Variants in PPP2R2C observed in about 807,000 individuals in gnomAD.
PPP2R2C encodes protein phosphatase 2 regulatory subunit Bgamma, also known as protein phosphatase 2, regulatory subunit B, gamma.
Under a neutral mutation model 45.3 loss-of-function variants are expected in PPP2R2C, and 10 were observed. The ratio of observed to expected loss-of-function variants is 0.22; its 90% CI spans 0.14 to 0.37. The LOEUF is 0.37. PPP2R2C is among the 10% of genes least tolerant of loss of function. The pLI, the probability that PPP2R2C is intolerant of heterozygous loss-of-function variation, is 1.00. For synonymous variants in PPP2R2C, 257 were observed against 245.4 expected, an observed-to-expected ratio of 1.05 and a Z score of -0.44; for missense variants, 308 against 619.7, an observed-to-expected ratio of 0.50 and a Z score of 5.34.
chr4:6,466,276 C>T lies in PPP2R2C; in HGVS notation c.70+5884G>A, dbSNP rs150381399. Among the ~76,000 whole-genome samples, 1,114 of 152,292 alleles carry T rather than the reference C, an allele frequency of 7.3e-3. 6 individuals carry two copies. Among genetic ancestry groups the T allele is most frequent in the Non-Finnish European group, 0.012 (815 of 68,028 alleles). ...TCTGCTCATTCCCAGGCTCCCCCGT[C>T]CCATCAGATTTCGCTTACAAAACAC... On this transcript the variant is annotated intron_variant, in intron 1 of 8. Transcript: ENST00000382599.
At chr4:6,350,821 T>A in intron 5 of PPP2R2C, 1 of 984,560 alleles carries the variant, frequency 1.0e-6, no homozygotes, top group Non-Finnish European at 1.2e-6. Context: ...CCCTCCGCAA[T>A]GAGATCGCAC....
chr4:6,521,054 A>G (rs951391621), intron 2 of PPP2R2C, among the ~76,000 whole-genome samples: 4 of 152,226 alleles, frequency 2.6e-5, no homozygotes, highest in Non-Finnish European at 4.4e-5. Context: ...CAGAGTCTGA[A>G]ATGCACAAGG....
chr4:6,546,889 G>T (rs538706050), intron 1 of PPP2R2C, among the ~76,000 whole-genome samples: 1 of 152,314 alleles, frequency 6.6e-6, no homozygotes, highest in East Asian at 1.9e-4. Flanking sequence ...GGAAAAGGGT[G>T]GGGACAAAAG....
chr4:6,543,898 G>A (rs973820729), intron 1 of PPP2R2C, among the ~76,000 whole-genome samples: 9 of 152,158 alleles, frequency 5.9e-5, no homozygotes, highest in Admixed American at 2.0e-4. Context: ...TCTGCTCTCC[G>A]TAACACCCAT....
intron 5 of PPP2R2C, 117 bp downstream of exon 5, chr4:6,372,406 G>C (rs1714908819): frequency 9.1e-7 from 1 of 1,096,492 alleles, no homozygotes; most frequent in African/African-American, 1.5e-5. Context: ...CCTCACTGAA[G>C]AAGTTAAACA....
intron 2 of PPP2R2C, among the ~76,000 whole-genome samples, chr4:6,496,991 G>A (rs1030334581): frequency 3.3e-5 from 5 of 152,184 alleles, no homozygotes; most frequent in South Asian, 2.1e-4. Flanking sequence ...GTATAAGAGC[G>A]TGATCCATAG....
At chr4:6,421,618 C>T (rs899980280) in intron 1 of PPP2R2C, among the ~76,000 whole-genome samples, 3 of 152,052 alleles carry the variant, frequency 2.0e-5, no homozygotes, top group African/African-American at 4.8e-5. Flanking sequence ...GACCACAAGA[C>T]GATAAACCAG....
chr4:6,338,958 G>A (rs921447344), intron 6 of PPP2R2C, among the ~76,000 whole-genome samples: 3 of 152,246 alleles, frequency 2.0e-5, no homozygotes, highest in Admixed American at 2.0e-4. Flanking sequence ...GCCTGGAGGC[G>A]ATGGCCCAGT....
At chr4:6,384,284 G>T in intron 1 of PPP2R2C, 5 of 985,358 alleles carry the variant, frequency 5.1e-6, no homozygotes, top group Non-Finnish European at 6.0e-6. Context: ...ATAAAATTGG[G>T]TATAAAATGC....
chr4:6,328,054 C>T lies in PPP2R2C; in HGVS notation c.1052+1208G>A, dbSNP rs956895079. Among the ~76,000 whole-genome samples, 2 of 152,112 alleles carry T rather than the reference C, an allele frequency of 1.3e-5. No individual in the cohort carries two copies. Among genetic ancestry groups the T allele is most frequent in the African/African-American group, 4.8e-5 (2 of 41,424 alleles). On this transcript the variant is annotated intron_variant, in intron 8 of 8. Transcript: ENST00000382599. This position sits in a 1 kb window ranked among gnomAD's most constrained non-coding sequence, Gnocchi z 4.4. The stretch of plus-strand genomic sequence containing the variant: ...CACAGAGAGTCATAGTGCGGCAGCT[C>T]TCACATGACCACCACAGTGCCAGCC...
chr4:6,515,611 T>A (rs1560597250), intron 2 of PPP2R2C, among the ~76,000 whole-genome samples: 1 of 152,240 alleles, frequency 6.6e-6, no homozygotes, highest in African/African-American at 2.4e-5. Context: ...ATGCCTTGCA[T>A]ATAAACACAC....
rs1372860491 is a variant in PPP2R2C, at chr4:6,375,844, T to C, written c.422A>G (p.Asp141Gly). The C allele has an allele frequency of 6.2e-7, 1 of 1,614,092 alleles. No individual in the cohort carries two copies. The highest frequency in any genetic ancestry group is 2.2e-5 in the East Asian group (1 of 44,882). ...NLKDEEGKLKDLSTVTSLQVP... is the reference protein window; with the variant it reads ...NLKDEEGKLKGLSTVTSLQVP... ...CTGCAGTGACGTCACCGTGGACAGG[T>C]CCTTAAGTTTCCCCTCTTCATCCTT... Residue 141 changes from aspartate to glycine, a missense_variant, in exon 4 of 9, where the codon GAC (aspartate) becomes GGC (glycine). Coordinates refer to ENST00000382599, the MANE Select transcript of PPP2R2C (RefSeq NM_020416.4).
rs926362239 is a variant in PPP2R2C, at chr4:6,364,602, C to T, written c.625+7921G>A. Among the ~76,000 whole-genome samples the T allele has an allele frequency of 6.6e-6, 1 of 152,116 alleles. No homozygotes were observed. The highest frequency in any genetic ancestry group is 2.4e-5 in the African/African-American group (1 of 41,408). The stretch of plus-strand genomic sequence containing the variant: ...GCCAGGCACTGCCCTAAAGGCTTCC[C>T]AGATGTCATCGTAGCACCCAGTCCT... On this transcript the variant is annotated intron_variant, in intron 5 of 8. Coordinates refer to ENST00000382599, the MANE Select transcript of PPP2R2C (RefSeq NM_020416.4). The surrounding 1 kb of genome is among the most constrained non-coding windows in gnomAD (Gnocchi z 5.3).
At position 6,321,046 on chromosome 4, in the gene PPP2R2C, AAAG is replaced by A. The variant is rs1301400047; in HGVS notation, c.*2253_*2255del. The stretch of plus-strand genomic sequence containing the variant: ...GGGATCCAGAGACATACTTTTCTTC[AAAG>A]AAGATCTTTTCCTTTCTTTTTTCTT... On this transcript the variant is annotated 3_prime_UTR_variant, in exon 9 of 9. Coordinates refer to ENST00000382599, the MANE Select transcript of PPP2R2C (RefSeq NM_020416.4). The A allele has an allele frequency of 6.6e-6, 1 of 152,202 alleles. No homozygotes were observed. Among genetic ancestry groups the A allele is most frequent in the Non-Finnish European group, 1.5e-5 (1 of 68,046 alleles). 9.4% of individuals were successfully genotyped at this position (152,202 alleles called of 1,614,324 possible).
intron 1 of PPP2R2C, chr4:6,384,258 G>T (rs1716065609): frequency 2.0e-6 from 2 of 985,302 alleles, no homozygotes; most frequent in Non-Finnish European, 2.4e-6. Context: ...ACCCCCTGAG[G>T]GTGAAGGAAC....
rs995539314 is a variant in PPP2R2C at position 6,320,652 on chromosome 4, T to C, written c.*2650A>G. On this transcript the variant is annotated 3_prime_UTR_variant, in exon 9 of 9. Transcript: ENST00000382599. ...CATATTTATAGTTTTATTCAACAAT[T>C]GGGTAATTTGTGAGACACCAAAGAA... The C allele has an allele frequency of 6.6e-6, 1 of 152,550 alleles. No homozygotes were observed. The highest frequency in any genetic ancestry group is 2.4e-5 in the African/African-American group (1 of 41,452). 9.4% of individuals were successfully genotyped at this position (152,550 alleles called of 1,614,324 possible). A position where few individuals can be genotyped will look rare whatever the true frequency, so the allele number is the denominator to read the frequency against.
At chr4:6,492,433 C>T (rs553805646) in intron 2 of PPP2R2C, among the ~76,000 whole-genome samples, 15 of 152,166 alleles carry the variant, frequency 9.9e-5, no homozygotes, top group Admixed American at 9.8e-4. Flanking sequence ...AGAGCCTCCC[C>T]CCGAGTGCTC....
chr4:6,562,476 G>T (rs989797295), intron 1 of PPP2R2C, among the ~76,000 whole-genome samples: 1 of 151,766 alleles, frequency 6.6e-6, no homozygotes, highest in East Asian at 1.9e-4. Flanking sequence ...GTCGGGGGGG[G>T]GGGTTGGATA....
At chr4:6,505,125 G>T (rs528401041) in intron 2 of PPP2R2C, among the ~76,000 whole-genome samples, 1 of 151,956 alleles carries the variant, frequency 6.6e-6, no homozygotes, top group African/African-American at 2.4e-5. Flanking sequence ...AACTATGGAG[G>T]CCAGAAGGCG....
Sources: allele counts gnomAD v4.1 joint callset (sites outside exome capture counted in the v4.1 genomes callset), GRCh38; gene constraint gnomAD v4.1.1; non-coding constraint Gnocchi (gnomAD v3.1); transcripts MANE v1.5; gene names NCBI Gene and HGNC (gene_info 2026-07-23, HGNC 2026-07-21).